ZNF521: variants seen among roughly 807,000 people sequenced by gnomAD.
ZNF521 encodes the protein zinc finger protein 521, also known as LYST-interacting protein 3.
A neutral mutation model predicts 105.5 loss-of-function variants in ZNF521; 14 were observed. That is an observed-to-expected ratio of 0.13 (90% CI 0.09 to 0.21). The LOEUF (loss-of-function observed/expected upper bound fraction) is 0.21. Among genes scored for constraint, ZNF521 ranks in the 10% least tolerant of loss-of-function variants. ZNF521 has a pLI of 1.00. For synonymous variants in ZNF521, 635 were observed against 606.0 expected (o/e 1.05, Z -0.70); for missense variants, 1,233 against 1,629.7 (o/e 0.76, Z 4.19).
chr18:25,062,887 T>C (rs2032945308), intron 7 of ZNF521, 146 bp from the exon 8 acceptor site: 1 of 805,788 alleles, frequency 1.2e-6, no homozygotes, highest in East Asian at 2.7e-5. Context: ...AATGAGTTTC[T>C]GCCCTCTGAT....
chr18:25,161,648 C>T (rs2144524634), intron 5 of ZNF521, among the ~76,000 whole-genome samples: 1 of 152,268 alleles, frequency 6.6e-6, no homozygotes, highest in Admixed American at 6.5e-5. Flanking sequence ...TACAAAATCA[C>T]AGAATCTCCT....
At chr18:25,240,229 G>A (rs1907215756) in intron 3 of ZNF521, among the ~76,000 whole-genome samples, 1 of 152,072 alleles carries the variant, frequency 6.6e-6, no homozygotes, top group Admixed American at 6.6e-5. Flanking sequence ...ATCAGAGTAA[G>A]AAGACTAGGG....
chr18:25,175,879 G>GA (rs1218589644), intron 5 of ZNF521, among the ~76,000 whole-genome samples: 2 of 152,094 alleles, frequency 1.3e-5, no homozygotes, highest in Non-Finnish European at 2.9e-5. Context: ...CGAAGAGGCA[G>GA]AAAAAAATGC....
intron 2 of ZNF521, among the ~76,000 whole-genome samples, chr18:25,345,986 C>T (rs772220240): frequency 1.3e-5 from 2 of 152,164 alleles, no homozygotes; most frequent in Non-Finnish European, 2.9e-5. Flanking sequence ...AAAAATCTCT[C>T]TCTCTAATTT....
chr18:25,211,284 G>A lies in ZNF521; in HGVS notation c.3573+13061C>T, dbSNP rs144419652. 3.1e-3 allele frequency among the ~76,000 whole-genome samples: 475 copies of A among 152,274 alleles called. 2 individuals are homozygous for A. The highest frequency in any genetic ancestry group is 0.011 in the African/African-American group (449 of 41,554). On this transcript the variant is annotated intron_variant, in intron 4 of 7. Coordinates refer to ENST00000361524, the MANE Select transcript of ZNF521 (RefSeq NM_015461.3). Reference sequence around the variant, plus strand: ...TCTTCTATTTATGGTGAATGATACTGATTATATACTTAGGGTTCTGAGTTT... The same window carrying A: ...TCTTCTATTTATGGTGAATGATACTAATTATATACTTAGGGTTCTGAGTTT...
intron 5 of ZNF521, among the ~76,000 whole-genome samples, chr18:25,177,711 TA>T (rs1403920709): frequency 6.6e-6 from 1 of 152,188 alleles, no homozygotes; most frequent in African/African-American, 2.4e-5. Context: ...TCGTCTGTAA[TA>T]AAAACTAAAA....
intron 5 of ZNF521, among the ~76,000 whole-genome samples, chr18:25,113,923 A>T (rs577138598): frequency 1.3e-5 from 2 of 152,180 alleles, no homozygotes; most frequent in Admixed American, 1.3e-4. Flanking sequence ...AAAAGATGAG[A>T]TGATAACTTT....
intron 2 of ZNF521, among the ~76,000 whole-genome samples, chr18:25,350,368 A>G (rs535923166): frequency 6.6e-4 from 100 of 151,918 alleles, no homozygotes; most frequent in African/African-American, 2.3e-3. Flanking sequence ...CGACGTGCGG[A>G]GAGGACCCAA....
At chr18:25,101,182 GC>G (rs1343487674) in intron 5 of ZNF521, among the ~76,000 whole-genome samples, 1 of 152,056 alleles carries the variant, frequency 6.6e-6, no homozygotes, top group Non-Finnish European at 1.5e-5. Flanking sequence ...AATACAGTTG[GC>G]CCTAGAACAA....
At chr18:25,236,091 T>C (rs1418846120) in intron 3 of ZNF521, among the ~76,000 whole-genome samples, 4 of 152,212 alleles carry the variant, frequency 2.6e-5, no homozygotes, top group Non-Finnish European at 5.9e-5. Context: ...GTTGTCAGGC[T>C]GTTTTCATAG....
At chr18:25,256,166 C>A (rs1908487943) in intron 3 of ZNF521, among the ~76,000 whole-genome samples, 1 of 151,708 alleles carries the variant, frequency 6.6e-6, no homozygotes, top group Non-Finnish European at 1.5e-5. Flanking sequence ...TATGAATAGA[C>A]AAATACCATA....
intron 5 of ZNF521, among the ~76,000 whole-genome samples, chr18:25,152,480 A>AAAAAAAAAAAG (rs1405678519): frequency 6.3e-5 from 9 of 143,978 alleles, no homozygotes; most frequent in Non-Finnish European, 1.0e-4. Flanking sequence ...CTCGGTCTCA[A>AAAAAAAAAAAG]AAAAAAAAAA....
intron 4 of ZNF521, among the ~76,000 whole-genome samples, chr18:25,203,612 C>A (rs1253528668): frequency 1.3e-5 from 2 of 152,014 alleles, no homozygotes; most frequent in Non-Finnish European, 2.9e-5. Context: ...CTGAGTGAGA[C>A]CCCATCTACT....
At chr18:25,150,202 T>C (rs4414563) in intron 5 of ZNF521, among the ~76,000 whole-genome samples, 102,309 of 151,984 alleles carry the variant, frequency 0.67, 34,790 homozygotes, top group Middle Eastern at 0.76. Context: ...ACATTGTATG[T>C]TCTCACTCAT....
chr18:25,327,100 G>A (rs1417752146), intron 2 of ZNF521, among the ~76,000 whole-genome samples: 1 of 152,018 alleles, frequency 6.6e-6, no homozygotes, highest in East Asian at 1.9e-4. Context: ...AAAAATTAAA[G>A]AAAAAGTGGC....
intron 3 of ZNF521, among the ~76,000 whole-genome samples, chr18:25,250,016 G>A (rs1348875683): frequency 6.6e-6 from 1 of 152,122 alleles, no homozygotes; most frequent in African/African-American, 2.4e-5. Flanking sequence ...TCGGCTAACT[G>A]CAAACTCCAC....
intron 3 of ZNF521, among the ~76,000 whole-genome samples, chr18:25,255,482 T>C (rs990523822): frequency 3.9e-5 from 6 of 152,144 alleles, no homozygotes; most frequent in Non-Finnish European, 5.9e-5. Flanking sequence ...TTTTCAGATA[T>C]GTAGTAACTG....
At chr18:25,113,041 A>G (rs1398620053) in intron 5 of ZNF521, among the ~76,000 whole-genome samples, 1 of 143,500 alleles carries the variant, frequency 7.0e-6, no homozygotes, top group Non-Finnish European at 1.5e-5. Context: ...TCTTTGCACC[A>G]TGCTGGCCAT....
At chr18:25,341,398 T>C (rs546011091) in intron 2 of ZNF521, among the ~76,000 whole-genome samples, 5 of 152,316 alleles carry the variant, frequency 3.3e-5, no homozygotes, top group African/African-American at 1.2e-4. Context: ...GAACCTCCAA[T>C]CACTTTAAAG....
Sources: allele counts gnomAD v4.1 joint callset (sites outside exome capture counted in the v4.1 genomes callset), GRCh38; gene constraint gnomAD v4.1.1; transcripts MANE v1.5; gene names NCBI Gene and HGNC (gene_info 2026-07-23, HGNC 2026-07-21).